Variants in RTL4 observed in about 807,000 individuals in gnomAD.
RTL4 encodes the protein retrotransposon Gag-like protein 4.
RTL4 carries 4 observed loss-of-function variants against 5.3 expected under a neutral mutation model. That is an observed-to-expected ratio of 0.75 (90% CI 0.37 to 1.72). RTL4 has a LOEUF of 1.72. Ranked by LOEUF, RTL4 falls within the 40% of genes most tolerant of loss-of-function variation. The pLI is 0.04. For synonymous variants in RTL4, 98 were observed against 87.3 expected (o/e 1.12, Z -0.68); for missense variants, 260 against 227.1 (o/e 1.14, Z -0.93).
the RTL4 span, among the ~76,000 whole-genome samples, chrX:112,108,357 T>C: frequency 8.9e-6 from 1 of 112,074 alleles, no homozygotes; most frequent in Non-Finnish European, 1.9e-5. Flanking sequence ...GGTGACGTCA[T>C]GTTTCCATGA....
At chrX:112,402,400 T>TG in the RTL4 span, among the ~76,000 whole-genome samples, 73 of 87,421 alleles carry the variant, frequency 8.4e-4, no homozygotes, top group Admixed American at 4.5e-3. Flanking sequence ...GGAATTATTA[T>TG]TGTGTGTGTG....
the RTL4 span, among the ~76,000 whole-genome samples, chrX:112,261,372 A>G: frequency 2.0e-5 from 2 of 101,915 alleles, no homozygotes; most frequent in Admixed American, 1.0e-4. Context: ...ATGTGCAAAA[A>G]TCACAAGCAT....
At chrX:112,411,236 C>A in the RTL4 span, among the ~76,000 whole-genome samples, 1 of 111,277 alleles carries the variant, frequency 9.0e-6, no homozygotes, top group Non-Finnish European at 1.9e-5. Context: ...CAAACAGAAG[C>A]CAGGGAACTG....
chrX:112,139,411 G>A, the RTL4 span, among the ~76,000 whole-genome samples: 2 of 111,735 alleles, frequency 1.8e-5, no homozygotes. Flanking sequence ...AAAAAATTGT[G>A]GGTACATGTT....
At chrX:112,302,686 C>T in the RTL4 span, among the ~76,000 whole-genome samples, 5 of 112,132 alleles carry the variant, frequency 4.5e-5, no homozygotes, top group African/African-American at 1.6e-4. Flanking sequence ...GTATTCAGTT[C>T]ATTCATTGAA....
the RTL4 span, among the ~76,000 whole-genome samples, chrX:112,272,990 A>G: frequency 8.9e-6 from 1 of 111,866 alleles, no homozygotes; most frequent in Non-Finnish European, 1.9e-5. Flanking sequence ...TAACAAAGTG[A>G]TTTTCAACTT....
chrX:112,328,186 G>C, the RTL4 span, among the ~76,000 whole-genome samples: 2 of 110,196 alleles, frequency 1.8e-5, no homozygotes, highest in Non-Finnish European at 3.8e-5. Flanking sequence ...TGGACTAAAT[G>C]CTCCAATTAA....
At chrX:112,312,398 G>C in the RTL4 span, among the ~76,000 whole-genome samples, 1 of 111,979 alleles carries the variant, frequency 8.9e-6, no homozygotes, top group Non-Finnish European at 1.9e-5. Context: ...GAGGAGCAGA[G>C]CTTGATTTTC....
At chrX:112,252,363 G>A in the RTL4 span, among the ~76,000 whole-genome samples, 1 of 112,082 alleles carries the variant, frequency 8.9e-6, no homozygotes, top group East Asian at 2.8e-4. Context: ...TTCAATGCCA[G>A]GTTGATTACT....
the RTL4 span, among the ~76,000 whole-genome samples, chrX:112,174,215 A>G: frequency 3.6e-4 from 33 of 91,414 alleles, no homozygotes; most frequent in Non-Finnish European, 6.3e-4. Flanking sequence ...ATATCTCCCA[A>G]TGCTATCCCT....
At chrX:112,419,574 A>AGT in the RTL4 span, among the ~76,000 whole-genome samples, 2,074 of 8,296 alleles carry the variant, frequency 0.25, 161 homozygotes, top group Middle Eastern at 0.29. Context: ...TGGCCAAGGT[A>AGT]GTATATATAT....
the RTL4 span, among the ~76,000 whole-genome samples, chrX:112,176,568 TATAAC>T: frequency 2.7e-5 from 3 of 111,372 alleles, no homozygotes; most frequent in Non-Finnish European, 5.7e-5. Context: ...TTTAAATTGA[TATAAC>T]ATATTTTTGA....
chrX:112,188,828 A>G, the RTL4 span, among the ~76,000 whole-genome samples: 2 of 110,568 alleles, frequency 1.8e-5, no homozygotes, highest in East Asian at 5.7e-4. Flanking sequence ...GTAATGTCGG[A>G]GTTGGGAAAG....
the RTL4 span, among the ~76,000 whole-genome samples, chrX:112,224,366 G>A: frequency 9.4e-6 from 1 of 106,640 alleles, no homozygotes. Context: ...TTTTGAGACT[G>A]AGTCTTACTC....
At chrX:112,255,041 C>A in the RTL4 span, among the ~76,000 whole-genome samples, 1 of 111,945 alleles carries the variant, frequency 8.9e-6, no homozygotes, top group Non-Finnish European at 1.9e-5. Context: ...CTCTCAGTTA[C>A]TTACAACTTA....
the RTL4 span, among the ~76,000 whole-genome samples, chrX:112,132,413 T>G: frequency 9.0e-6 from 1 of 111,481 alleles, no homozygotes; most frequent in Non-Finnish European, 1.9e-5. Context: ...ATAAAGCCCA[T>G]TCCACTCATA....
exon 1 of RTL4, chrX:112,454,674 G>A: frequency 9.3e-7 from 1 of 1,070,966 alleles, no homozygotes; most frequent in Non-Finnish European, 1.3e-6. Context: ...GTCTCCATTG[G>A]TTTCCAGTAC....
the RTL4 span, among the ~76,000 whole-genome samples, chrX:112,277,055 G>A: frequency 1.8e-5 from 2 of 111,689 alleles, no homozygotes; most frequent in Non-Finnish European, 3.8e-5. Context: ...ATAAGACTTT[G>A]GGGCTCAAGG....
the RTL4 span, among the ~76,000 whole-genome samples, chrX:112,185,940 G>A: frequency 9.0e-6 from 1 of 110,724 alleles, no homozygotes; most frequent in Admixed American, 9.7e-5. Context: ...GTTTGGTGTT[G>A]GGCCTAAGGT....
Sources: allele counts gnomAD v4.1 joint callset (sites outside exome capture counted in the v4.1 genomes callset), GRCh38; gene constraint gnomAD v4.1.1; transcripts MANE v1.5; gene names NCBI Gene and HGNC (gene_info 2026-07-23, HGNC 2026-07-21).